FNTA: variants seen among roughly 807,000 people sequenced by gnomAD.
FNTA encodes the protein farnesyltransferase, CAAX box, subunit alpha.
FNTA carries 27 observed loss-of-function variants against 55.2 expected under a neutral mutation model. The observed-to-expected ratio is 0.49, with a 90% CI of 0.36 to 0.67. The LOEUF (loss-of-function observed/expected upper bound fraction) is 0.67, where lower values mean the gene tolerates loss of function less well. Among genes scored for constraint, FNTA ranks in the 30% least tolerant of loss-of-function variants. The pLI, the probability that FNTA is intolerant of heterozygous loss-of-function variation, is 0.00. For missense variants in FNTA, 422 were observed against 464.7 expected (o/e 0.91, Z 0.85); for synonymous variants, 176 against 170.7 (o/e 1.03, Z -0.24).
chr8:43,075,406 T>A (rs1212075685), intron 5 of FNTA, among the ~76,000 whole-genome samples: 3 of 151,978 alleles, frequency 2.0e-5, no homozygotes, highest in Non-Finnish European at 2.9e-5. Context: ...ATCTTTTTTA[T>A]AATGTCCCCT....
intron 4 of FNTA, 67 bp downstream of exon 4, chr8:43,069,726 C>A: frequency 2.2e-6 from 2 of 901,416 alleles, no homozygotes; most frequent in Non-Finnish European, 1.8e-6. Context: ...CTCACTGCAG[C>A]CTCTGCCTCC....
At chr8:43,061,812 C>G (rs565318212) in intron 2 of FNTA, among the ~76,000 whole-genome samples, 8 of 151,928 alleles carry the variant, frequency 5.3e-5, no homozygotes, top group Non-Finnish European at 1.2e-4. Flanking sequence ...CTCCGCCTCC[C>G]GGGTTCAAGT....
At chr8:43,076,066 CAG>C (rs1388974293) in intron 5 of FNTA, among the ~76,000 whole-genome samples, 7 of 151,836 alleles carry the variant, frequency 4.6e-5, no homozygotes, top group African/African-American at 9.7e-5. Flanking sequence ...TTTTTGGAGA[CAG>C]AGCCTTGCTC....
intron 1 of FNTA, among the ~76,000 whole-genome samples, chr8:43,058,318 C>T (rs1810457743): frequency 6.6e-6 from 1 of 152,186 alleles, no homozygotes; most frequent in African/African-American, 2.4e-5. Context: ...CAGAGCCTGT[C>T]TTATTAATGA....
chr8:43,074,848 A>G (rs1810873820), intron 5 of FNTA, among the ~76,000 whole-genome samples: 1 of 152,206 alleles, frequency 6.6e-6, no homozygotes, highest in African/African-American at 2.4e-5. Flanking sequence ...GTTATACTAT[A>G]CATGGGATTA....
intron 7 of FNTA, 71 bp from the exon 8 acceptor site, chr8:43,084,639 C>A: frequency 8.2e-7 from 1 of 1,225,952 alleles, no homozygotes; most frequent in Non-Finnish European, 1.1e-6. Context: ...GGTTTATTTT[C>A]TCTTGATCTT....
In FNTA at chr8:43,075,879, CT is replaced by C. The variant is rs111515423; in HGVS notation, c.634-1325del. Among the ~76,000 whole-genome samples, 256 of 142,670 alleles carry C rather than the reference CT, an allele frequency of 1.8e-3. 1 individual carries two copies. The highest frequency in any genetic ancestry group is 1.9e-3 in the Admixed American group (27 of 14,206). 93.6% of individuals were successfully genotyped at this position (142,670 alleles called of 152,430 possible). A position where few individuals can be genotyped will look rare whatever the true frequency, so the allele number is the denominator to read the frequency against. On this transcript the variant is annotated intron_variant, in intron 5 of 8. Coordinates refer to ENST00000302279, the MANE Select transcript of FNTA (RefSeq NM_002027.3). Reference sequence around the variant, plus strand: ...GTATATTTCTTTTCTTTTTCTTTTTCTTTTTTTTTTTTGGGACAGGGTCTGT... The same window carrying C: ...GTATATTTCTTTTCTTTTTCTTTTTCTTTTTTTTTTTGGGACAGGGTCTGT...
At chr8:43,071,341 G>A (rs1810785592) in intron 4 of FNTA, among the ~76,000 whole-genome samples, 1 of 151,982 alleles carries the variant, frequency 6.6e-6, no homozygotes, top group South Asian at 2.1e-4. Context: ...TTATAAAAAT[G>A]GAACCCAATA....
Position 43,069,555 on chromosome 8 carries a change from G to C in FNTA, c.402G>C (p.Trp134Cys). 2 of 1,597,284 alleles carry C rather than the reference G, an allele frequency of 1.3e-6. No homozygotes were observed. Among genetic ancestry groups the C allele is most frequent in the African/African-American group, 1.3e-5 (1 of 74,608 alleles). ...TTTGGATGTTGTATGTTTGCCCTAGGCATTTCCGGAGAGTTCTTTTGAAGT... is the reference window on the plus strand; with the variant it reads ...TTTGGATGTTGTATGTTTGCCCTAGCCATTTCCGGAGAGTTCTTTTGAAGT... Reference protein sequence around the residue: ...IELNAANYTVWHFRRVLLKSL... With the variant: ...IELNAANYTVCHFRRVLLKSL... The change falls in exon 4 of 9, where the codon TGG becomes TGC. Residue 134 changes from tryptophan to cysteine, a missense_variant and splice_region_variant. By Grantham distance (215) the Trp-to-Cys change is radical (BLOSUM62 -2). Around this residue, in one of 2 missense-constraint regions of FNTA, gnomAD observed 262 missense variants for 343.1 expected, o/e 0.76. Coordinates refer to ENST00000302279, the MANE Select transcript of FNTA (RefSeq NM_002027.3).
At chr8:43,065,800 C>A (rs1036877080) in intron 3 of FNTA, among the ~76,000 whole-genome samples, 15 of 151,332 alleles carry the variant, frequency 9.9e-5, no homozygotes, top group African/African-American at 3.7e-4. Context: ...GATTTACTTT[C>A]TCATTTTATA....
chr8:43,064,932 G>T (rs1297947639), intron 3 of FNTA, among the ~76,000 whole-genome samples: 1 of 151,302 alleles, frequency 6.6e-6, no homozygotes, highest in African/African-American at 2.4e-5. Context: ...TGCCTCCAGG[G>T]TTCAATCGAT....
rs754854963 is a variant in FNTA at position 43,083,095 on chromosome 8, GTATATA to G, written c.783-17_783-12del. ...ATCATTGCACTGTTCTTTTAAAATT[GTATATA>G]TATATTTTTCTTGCAGATACACTCT... is the stretch of plus-strand genomic sequence containing the variant. On this transcript the variant is annotated splice_polypyrimidine_tract_variant and intron_variant, in intron 6 of 8. Transcript: ENST00000302279. 1.5e-6 allele frequency: 2 copies of G among 1,347,604 alleles called. No homozygotes were observed. Among genetic ancestry groups the G allele is most frequent in the Non-Finnish European group, 2.1e-6 (2 of 963,740 alleles). The allele number at this position is 1,347,604 out of a possible 1,614,324, so 83.5% of individuals were successfully genotyped here.
At chr8:43,068,261 C>T (rs931977586) in intron 3 of FNTA, among the ~76,000 whole-genome samples, 3 of 152,292 alleles carry the variant, frequency 2.0e-5, no homozygotes, top group African/African-American at 7.2e-5. Flanking sequence ...ATCTGCCTGC[C>T]TCAGCCTCCC....
chr8:43,081,216 A>G (rs1346219588), intron 6 of FNTA: 2 of 152,200 alleles, frequency 1.3e-5, no homozygotes, highest in South Asian at 2.1e-4. Flanking sequence ...TCTTCATCCC[A>G]CATCCCATTT....
chr8:43,077,210 C>A lies in FNTA; in HGVS notation c.634-6C>A. On this transcript the variant is annotated splice_region_variant and splice_polypyrimidine_tract_variant and intron_variant, in intron 5 of 8. Coordinates refer to ENST00000302279, the MANE Select transcript of FNTA (RefSeq NM_002027.3). ...ATTGGATGATTTTTCTAAATTTTTC[C>A]TTTAGGAATTTAAACTTTGGGATAA... 1 of 1,550,960 alleles carries A rather than the reference C, an allele frequency of 6.4e-7. No homozygotes were observed. The highest frequency in any genetic ancestry group is 8.7e-7 in the Non-Finnish European group (1 of 1,146,326).
Position 43,071,629 on chromosome 8 carries a change from G to A in FNTA, c.507-552G>A, listed in dbSNP as rs575327468. ...GGAGGTTGCAGTGAGCTGAGATTGCGCCATTGCACTCCAGCCTGGGGGACA... is the reference window on the plus strand; with the variant it reads ...GGAGGTTGCAGTGAGCTGAGATTGCACCATTGCACTCCAGCCTGGGGGACA... On this transcript the variant is annotated intron_variant, in intron 4 of 8. Coordinates refer to ENST00000302279, the MANE Select transcript of FNTA (RefSeq NM_002027.3). 4.7e-5 allele frequency among the ~76,000 whole-genome samples: 7 copies of A among 150,498 alleles called. No individual in the cohort carries two copies. In the East Asian group the frequency reaches 5.9e-4, roughly 13 times the overall value.
chr8:43,062,557 C>T (rs1810560075), intron 2 of FNTA, among the ~76,000 whole-genome samples: 1 of 152,190 alleles, frequency 6.6e-6, no homozygotes, highest in South Asian at 2.1e-4. Context: ...GCTGAGATTA[C>T]AGGCCTGAGC....
chr8:43,073,739 CAG>C (rs1363399637), intron 5 of FNTA: 1 of 151,776 alleles, frequency 6.6e-6, no homozygotes, highest in East Asian at 1.9e-4. Context: ...TTTTGGTTGT[CAG>C]AACTTGGGGC....
chr8:43,065,017 G>A (rs560261291), intron 3 of FNTA, among the ~76,000 whole-genome samples: 3 of 151,476 alleles, frequency 2.0e-5, no homozygotes, highest in South Asian at 2.1e-4. Context: ...TTTATTTTTA[G>A]TAGAGATAGG....
Sources: gnomAD v4.1 joint callset for allele counts (sites outside exome capture counted in the v4.1 genomes callset) on GRCh38, gnomAD v4.1.1 for gene constraint, gnomAD v4.1.1 regional missense constraint, MANE v1.5 for transcripts, NCBI Gene and HGNC (gene_info 2026-07-23, HGNC 2026-07-21) for gene names.